The following MINK1 variants were observed in gnomAD, a reference collection of about 807,000 sequenced individuals.
The protein encoded by MINK1 is misshapen-like kinase 1.
A neutral mutation model predicts 178.4 loss-of-function variants in MINK1; 46 were observed. The observed-to-expected ratio is 0.26, with a 90% confidence interval of 0.20 to 0.33. The LOEUF is 0.33. Ranked by LOEUF, MINK1 falls within the 10% of genes least tolerant of loss-of-function variation. The probability of loss-of-function intolerance (pLI) is 1.00; values close to 1 mark genes in which losing one functional copy is unlikely to be tolerated. For missense variants in MINK1, 1,366 were observed against 1,814.9 expected (o/e 0.75, Z 4.49); for synonymous variants, 797 against 709.7 (o/e 1.12, Z -1.96).
intron 1 of MINK1, chr17:4,859,098 G>A: frequency 1.0e-6 from 1 of 981,164 alleles, no homozygotes; most frequent in Middle Eastern, 5.2e-4. Flanking sequence ...ACCTGCCGGG[G>A]CATATCTGAG....
intron 4 of MINK1, among the ~76,000 whole-genome samples, chr17:4,883,992 C>T (rs1967963817): frequency 6.6e-6 from 1 of 151,914 alleles, no homozygotes; most frequent in African/African-American, 2.4e-5. Context: ...CCCAGCCCCA[C>T]CCTGCCAGTT....
In MINK1 at chr17:4,897,930, C is replaced by A; in HGVS notation, c.*643C>A. The A allele has an allele frequency of 6.6e-6, 1 of 152,504 alleles. No individual in the cohort carries two copies. Among genetic ancestry groups the A allele is most frequent in the Non-Finnish European group, 1.5e-5 (1 of 68,304 alleles). The allele number at this position is 152,504 out of a possible 1,614,324, so 9.4% of individuals were successfully genotyped here. A position where few individuals can be genotyped will look rare whatever the true frequency, so the allele number is the denominator to read the frequency against. ...GAGGGAGCAGGGAGCCCTCACTCTC[C>A]ACGCCCCTTGCTTGCATCTGTATAT... On this transcript the variant is annotated 3_prime_UTR_variant, in exon 32 of 32. Coordinates refer to ENST00000355280, the MANE Select transcript of MINK1 (RefSeq NM_153827.5).
chr17:4,833,659 A>G lies in MINK1; in HGVS notation c.57+19A>G. Reference sequence around the variant, plus strand: ...CCTGCGGGTGAGCGCGCCGTCCCCCAGCCTCGCCCTGGTTCCTGTCCCCGC... The same window carrying G: ...CCTGCGGGTGAGCGCGCCGTCCCCCGGCCTCGCCCTGGTTCCTGTCCCCGC... On this transcript the variant is annotated intron_variant, in intron 1 of 31. Transcript: ENST00000355280. This position sits in a 1 kb window ranked among gnomAD's most constrained non-coding sequence, Gnocchi z 4.8. The G allele has an allele frequency of 2.0e-6, 3 of 1,485,396 alleles. No homozygotes were observed. Among genetic ancestry groups the G allele is most frequent in the Non-Finnish European group, 2.7e-6 (3 of 1,123,366 alleles). 92.0% of individuals were successfully genotyped at this position (1,485,396 alleles called of 1,614,324 possible).
chr17:4,874,116 G>A (rs894833856), intron 1 of MINK1, among the ~76,000 whole-genome samples: 1 of 152,132 alleles, frequency 6.6e-6, no homozygotes. Context: ...ATATATAATC[G>A]TAGACTGCCA....
At chr17:4,857,652 G>A (rs1003951799) in intron 1 of MINK1, among the ~76,000 whole-genome samples, 1 of 151,854 alleles carries the variant, frequency 6.6e-6, no homozygotes, top group Non-Finnish European at 1.5e-5. Flanking sequence ...ATTTTTAGTA[G>A]AGATGGGGTT....
At chr17:4,854,232 C>A (rs990417200) in intron 1 of MINK1, among the ~76,000 whole-genome samples, 1 of 152,148 alleles carries the variant, frequency 6.6e-6, no homozygotes, top group Non-Finnish European at 1.5e-5. Context: ...CTCCCTCCCC[C>A]ACCACCTGGC....
In MINK1 at chr17:4,894,593, C is replaced by G; in HGVS notation, c.2877C>G (p.Ile959Met). The change falls in exon 24 of 32, where the codon ATC becomes ATG. Residue 959 changes from isoleucine to methionine, a missense_variant. Physicochemically the swap from Ile to Met is conservative, Grantham distance 10. Around this residue, in one of 14 missense-constraint regions of MINK1, gnomAD observed 709 missense variants for 692.3 expected, o/e 1.02. Transcript: ENST00000355280. This position sits in a 1 kb window ranked among gnomAD's most constrained non-coding sequence, Gnocchi z 4.1. ...TCACGATGTTTGTGGATCTAGGGAT[C>G]TACCAGCCTGGAGGCAGTGGGGACA... The part of the protein sequence containing the change: ...SSFTMFVDLG[I>M]YQPGGSGDSI... 1 of 1,609,210 alleles carries G rather than the reference C, an allele frequency of 6.2e-7. No individual in the cohort carries two copies. Among genetic ancestry groups the G allele is most frequent in the Non-Finnish European group, 8.5e-7 (1 of 1,177,738 alleles).
At chr17:4,869,430 C>T (rs139270877) in intron 1 of MINK1, among the ~76,000 whole-genome samples, 43 of 151,970 alleles carry the variant, frequency 2.8e-4, no homozygotes, top group Middle Eastern at 3.4e-3. Context: ...CATACCACCA[C>T]GTCCAGCTAA....
rs760267098 is a variant in MINK1 at position 4,891,047 on chromosome 17, TCCCCAGGGC to T, written c.1671_1679del (p.Pro559_Pro561del). 3.4e-5 allele frequency: 53 copies of T among 1,554,954 alleles called. No homozygotes were observed. Among genetic ancestry groups the T allele is most frequent in the African/African-American group, 1.5e-4 (11 of 73,064 alleles). ...GCCTGAGCCCCCCATCCCCCAGGCCTCCCCAGGGCCCCCAGGACCCCTTTCCCAGACTCC... is the reference window on the plus strand; with the variant it reads ...GCCTGAGCCCCCCATCCCCCAGGCCTCCCCAGGACCCCTTTCCCAGACTCC... On this transcript the variant is annotated inframe_deletion, in exon 15 of 32. Transcript: ENST00000355280.
At chr17:4,855,064 C>G (rs1266384543) in intron 1 of MINK1, among the ~76,000 whole-genome samples, 2 of 150,920 alleles carry the variant, frequency 1.3e-5, no homozygotes, top group African/African-American at 4.9e-5. Context: ...AAAGATTAGC[C>G]GGGCGTGGTG....
In MINK1 at chr17:4,895,617, G is replaced by C. The variant is rs531312987; in HGVS notation, c.3230-81G>C. ...CACACTTTCTCACCCCTTGTGGTAT[G>C]CTGACAGAGGAGGCCAGGGCGGTGG... On this transcript the variant is annotated intron_variant, in intron 26 of 31. Transcript: ENST00000355280. This position sits in a 1 kb window ranked among gnomAD's most constrained non-coding sequence, Gnocchi z 4.3. 6.4e-7 allele frequency: 1 copy of C among 1,569,182 alleles called. No individual in the cohort carries two copies. The highest frequency in any genetic ancestry group is 1.2e-5 in the South Asian group (1 of 85,058).
chr17:4,890,475 G>C (rs757209612), intron 13 of MINK1, 42 bp from the exon 14 acceptor site: 1 of 1,550,840 alleles, frequency 6.4e-7, no homozygotes. Context: ...AACTCCCAGG[G>C]CCACACCCTG....
At chr17:4,844,538 C>T (rs1434693111) in intron 1 of MINK1, 1 of 504,976 alleles carries the variant, frequency 2.0e-6, no homozygotes, top group East Asian at 5.6e-5. Flanking sequence ...ATTCGTATAC[C>T]TGGGTCTTTT....
chr17:4,895,300 A>G lies in MINK1; in HGVS notation c.3086-50A>G. 1 of 1,608,552 alleles carries G rather than the reference A, an allele frequency of 6.2e-7. No individual in the cohort carries two copies. Among genetic ancestry groups the G allele is most frequent in the Non-Finnish European group, 8.5e-7 (1 of 1,176,232 alleles). ...TGGCGTGGCTCTTGTGCTCCTGGTT[A>G]GGTGAGGGCCTGGCTGAGCCTCTGA... On this transcript the variant is annotated intron_variant, in intron 25 of 31. Transcript: ENST00000355280. The surrounding 1 kb of genome is among the most constrained non-coding windows in gnomAD (Gnocchi z 4.3).
chr17:4,858,993 G>T, intron 1 of MINK1: 1 of 337,762 alleles, frequency 3.0e-6, no homozygotes, highest in Non-Finnish European at 4.1e-6. Context: ...CCAACACCAG[G>T]CACCCGGGGC....
intron 1 of MINK1, among the ~76,000 whole-genome samples, chr17:4,876,148 A>T (rs948794402): frequency 2.6e-5 from 4 of 151,902 alleles, no homozygotes; most frequent in African/African-American, 9.7e-5. Context: ...ATGTAGACCC[A>T]CAAAGTTCTT....
At chr17:4,839,614 C>T (rs945807279) in intron 1 of MINK1, among the ~76,000 whole-genome samples, 1 of 152,214 alleles carries the variant, frequency 6.6e-6, no homozygotes, top group Non-Finnish European at 1.5e-5. Flanking sequence ...CTCCTCCGAA[C>T]CAACCAGTCC....
chr17:4,875,103 T>C (rs1454229556), intron 1 of MINK1: 1 of 519,978 alleles, frequency 1.9e-6, no homozygotes, highest in African/African-American at 1.9e-5. Flanking sequence ...AGCAGTCAGT[T>C]CAGACGCCCC....
At chr17:4,859,021 T>C in intron 1 of MINK1, 1 of 626,638 alleles carries the variant, frequency 1.6e-6, no homozygotes, top group Non-Finnish European at 2.0e-6. Flanking sequence ...CCTCCTGCCC[T>C]GTTTCCTGTC....
Sources: allele counts gnomAD v4.1 joint callset (sites outside exome capture counted in the v4.1 genomes callset), GRCh38; gene constraint gnomAD v4.1.1; regional missense constraint gnomAD v4.1.1; non-coding constraint Gnocchi (gnomAD v3.1); transcripts MANE v1.5; gene names NCBI Gene and HGNC (gene_info 2026-07-23, HGNC 2026-07-21).